Variants in SLC24A2 observed in about 807,000 individuals in gnomAD.
SLC24A2 encodes solute carrier family 24 member 2.
Under a neutral mutation model 62.0 loss-of-function variants are expected in SLC24A2, and 36 were observed. That is an observed-to-expected ratio of 0.58 (90% CI 0.44 to 0.77). The LOEUF (loss-of-function observed/expected upper bound fraction) is 0.77, where lower values mean the gene tolerates loss of function less well. SLC24A2 is among the 30% of genes least tolerant of loss of function. The pLI is 0.00. For missense variants in SLC24A2, 846 were observed against 817.9 expected (o/e 1.03, Z -0.42); for synonymous variants, 358 against 294.0 (o/e 1.22, Z -2.23).
intron 2 of SLC24A2, among the ~76,000 whole-genome samples, chr9:19,647,079 C>T (rs2048685969): frequency 6.7e-6 from 1 of 150,324 alleles, no homozygotes. Context: ...CACACACACA[C>T]ACACACACAC....
At chr9:19,828,504 T>C in the SLC24A2 span, among the ~76,000 whole-genome samples, 2 of 152,120 alleles carry the variant, frequency 1.3e-5, no homozygotes, top group Non-Finnish European at 2.9e-5. Flanking sequence ...TGAATATGAA[T>C]TAAATATTTT....
At chr9:19,837,610 A>G in the SLC24A2 span, among the ~76,000 whole-genome samples, 3 of 151,986 alleles carry the variant, frequency 2.0e-5, no homozygotes, top group African/African-American at 7.3e-5. Flanking sequence ...TTCAATTAGG[A>G]AAAAAGGAAG....
rs776473513 is a variant in SLC24A2 at position 19,516,141 on chromosome 9, T to A, written c.*12A>T. The A allele has an allele frequency of 7.4e-6, 12 of 1,613,908 alleles. No homozygotes were observed. The highest frequency in any genetic ancestry group is 1.0e-5 in the Non-Finnish European group (12 of 1,179,980). On this transcript the variant is annotated 3_prime_UTR_variant, in exon 11 of 11. Transcript: ENST00000341998. ...CCATTCATGCTGCTGGTGCAAGATATGGCTTTTCCTGCTAGATGGAGACGG... is the reference window on the plus strand; with the variant it reads ...CCATTCATGCTGCTGGTGCAAGATAAGGCTTTTCCTGCTAGATGGAGACGG...
chr9:19,904,603 A>AAAT, the SLC24A2 span, among the ~76,000 whole-genome samples: 5 of 152,316 alleles, frequency 3.3e-5, no homozygotes, highest in East Asian at 9.6e-4. Context: ...TTTGGGGGGA[A>AAAT]AATAGAGACT....
intron 10 of SLC24A2, among the ~76,000 whole-genome samples, chr9:19,518,138 T>C (rs966829387): frequency 1.3e-5 from 2 of 152,210 alleles, no homozygotes; most frequent in African/African-American, 2.4e-5. Flanking sequence ...TTCAGTGTTA[T>C]TTTGAATAAT....
the SLC24A2 span, among the ~76,000 whole-genome samples, chr9:19,884,119 T>G: frequency 6.6e-6 from 1 of 152,252 alleles, no homozygotes; most frequent in Admixed American, 6.5e-5. Context: ...TGACATACAC[T>G]AATTATCCCT....
chr9:19,778,772 C>T lies in SLC24A2; in HGVS notation c.930+7165G>A, dbSNP rs927992628. On this transcript the variant is annotated intron_variant, in intron 2 of 10. Coordinates refer to ENST00000341998, the MANE Select transcript of SLC24A2 (RefSeq NM_020344.4). ...GTTCCACAGGTAAAGTCCCAAGAAACATATGCTCAAAGTTTAAAAAAATTT... is the reference window on the plus strand; with the variant it reads ...GTTCCACAGGTAAAGTCCCAAGAAATATATGCTCAAAGTTTAAAAAAATTT... Among the ~76,000 whole-genome samples, 4 of 152,192 alleles carry T rather than the reference C, an allele frequency of 2.6e-5. No individual in the cohort carries two copies. In the East Asian group the frequency reaches 5.8e-4, roughly 22 times the overall value.
intron 4 of SLC24A2, among the ~76,000 whole-genome samples, chr9:19,610,140 A>G (rs1837111380): frequency 6.6e-6 from 1 of 152,192 alleles, no homozygotes; most frequent in Non-Finnish European, 1.5e-5. Context: ...GCATGAATTT[A>G]TTAAATATTG....
chr9:19,713,444 C>A (rs558246865), intron 2 of SLC24A2, among the ~76,000 whole-genome samples: 1 of 152,076 alleles, frequency 6.6e-6, no homozygotes, highest in Admixed American at 6.5e-5. Flanking sequence ...GCTTTGAATG[C>A]GAAAATAAAT....
the SLC24A2 span, among the ~76,000 whole-genome samples, chr9:19,980,225 C>G: frequency 6.6e-6 from 1 of 152,182 alleles, no homozygotes; most frequent in African/African-American, 2.4e-5. Flanking sequence ...ATTGCAGATT[C>G]TGACTCAGCA....
chr9:19,879,791 G>A, the SLC24A2 span, among the ~76,000 whole-genome samples: 1 of 152,184 alleles, frequency 6.6e-6, no homozygotes, highest in East Asian at 1.9e-4. Context: ...TTTCTTGTTT[G>A]CTTAGAGGAT....
At chr9:19,863,451 G>C in the SLC24A2 span, among the ~76,000 whole-genome samples, 2 of 151,696 alleles carry the variant, frequency 1.3e-5, no homozygotes, top group Non-Finnish European at 3.0e-5. Flanking sequence ...TTCTCAGAGA[G>C]AGACCATATG....
the SLC24A2 span, among the ~76,000 whole-genome samples, chr9:20,143,195 T>C: frequency 6.6e-6 from 1 of 151,862 alleles, no homozygotes; most frequent in Non-Finnish European, 1.5e-5. Flanking sequence ...GAAAAGAGAG[T>C]GCCCAAGAAG....
chr9:20,270,079 C>G, the SLC24A2 span, among the ~76,000 whole-genome samples: 4 of 152,100 alleles, frequency 2.6e-5, no homozygotes, highest in Admixed American at 2.6e-4. Flanking sequence ...TTATAATGAC[C>G]TACTCTAGCA....
the SLC24A2 span, among the ~76,000 whole-genome samples, chr9:19,972,999 T>G: frequency 6.6e-6 from 1 of 152,172 alleles, no homozygotes; most frequent in Non-Finnish European, 1.5e-5. Context: ...ATCTTTCAAC[T>G]GGTGATCAGC....
intron 2 of SLC24A2, among the ~76,000 whole-genome samples, chr9:19,665,201 G>A (rs1160620949): frequency 6.6e-6 from 1 of 152,192 alleles, no homozygotes; most frequent in Non-Finnish European, 1.5e-5. Flanking sequence ...GCATGGCCCT[G>A]GATAAAGGGG....
chr9:20,049,642 C>T, the SLC24A2 span, among the ~76,000 whole-genome samples: 98,195 of 151,738 alleles, frequency 0.65, 32,557 homozygotes, highest in East Asian at 0.94. Flanking sequence ...ACAAAGATGA[C>T]AAATATGTTA....
At chr9:19,829,804 TATATATACACACAC>T in the SLC24A2 span, among the ~76,000 whole-genome samples, 59 of 43,442 alleles carry the variant, frequency 1.4e-3, no homozygotes, top group African/African-American at 2.7e-3. Context: ...TGTGTATATA[TATATATACACACAC>T]ACACACACAC....
intron 2 of SLC24A2, among the ~76,000 whole-genome samples, chr9:19,777,225 G>A (rs1044928361): frequency 2.0e-5 from 3 of 152,102 alleles, no homozygotes; most frequent in African/African-American, 7.2e-5. Context: ...ATCTATAAAA[G>A]AAAAATGTCA....
Sources: gnomAD v4.1 joint callset for allele counts (sites outside exome capture counted in the v4.1 genomes callset) on GRCh38, gnomAD v4.1.1 for gene constraint, MANE v1.5 for transcripts, NCBI Gene and HGNC (gene_info 2026-07-23, HGNC 2026-07-21) for gene names.